RELL1: variants seen among roughly 807,000 people sequenced by gnomAD.
RELL1 encodes the protein RELT like 1.
RELL1 carries 10 observed loss-of-function variants against 23.0 expected under a neutral mutation model. The observed-to-expected ratio is 0.43, with a 90% CI of 0.27 to 0.74. The LOEUF (loss-of-function observed/expected upper bound fraction) is 0.74. RELL1 is among the 30% of genes least tolerant of loss of function. RELL1 has a pLI of 0.19. For missense variants in RELL1, 315 were observed against 364.4 expected, an observed-to-expected ratio of 0.86 and a Z score of 1.10; for synonymous variants, 146 against 146.8, an observed-to-expected ratio of 0.99 and a Z score of 0.04.
intron 6 of RELL1, among the ~76,000 whole-genome samples, chr4:37,625,023 C>T (rs75138951): frequency 5.9e-5 from 9 of 152,156 alleles, no homozygotes; most frequent in Non-Finnish European, 1.2e-4. Flanking sequence ...TGTCCAGCAA[C>T]GATCTCATTT....
intron 1 of RELL1, among the ~76,000 whole-genome samples, chr4:37,652,349 T>A (rs1443025681): frequency 6.6e-6 from 1 of 152,232 alleles, no homozygotes; most frequent in Non-Finnish European, 1.5e-5. Context: ...GAAGAATCAA[T>A]ATAATAAATA....
At chr4:37,640,539 C>T (rs1720491889) in intron 3 of RELL1, among the ~76,000 whole-genome samples, 1 of 152,182 alleles carries the variant, frequency 6.6e-6, no homozygotes, top group African/African-American at 2.4e-5. Flanking sequence ...GGATGTTCCC[C>T]AGATCCGTGC....
chr4:37,636,627 C>T lies in RELL1; in HGVS notation c.444-1504G>A, dbSNP rs940132478. Among the ~76,000 whole-genome samples, 8 of 150,240 alleles carry T rather than the reference C, an allele frequency of 5.3e-5. No homozygotes were observed. The East Asian group carries it at 5.9e-4, about 11-fold the overall frequency. ...AAAAAAAAAAGCAGAAATACATAGT[C>T]GAGATAAGAGCTATTTTCAAAAAGC... On this transcript the variant is annotated intron_variant, in intron 4 of 6. Coordinates refer to ENST00000454158, the MANE Select transcript of RELL1 (RefSeq NM_001085400.2).
rs550157324 is a variant in RELL1, at chr4:37,672,565, G to C, written c.88+13635C>G. ...GCGGCAACAGATCAACTACCATATG[G>C]TTCATGCAAAAGAATTCTCTTTCCC... is the stretch of plus-strand genomic sequence containing the variant. On this transcript the variant is annotated intron_variant, in intron 1 of 6. Transcript: ENST00000454158. Among the ~76,000 whole-genome samples the C allele has an allele frequency of 2.0e-5, 3 of 152,162 alleles. No individual in the cohort carries two copies. The South Asian group carries it at 6.2e-4, about 32-fold the overall frequency.
At chr4:37,669,012 G>GT (rs1396156912) in intron 1 of RELL1, among the ~76,000 whole-genome samples, 2 of 139,732 alleles carry the variant, frequency 1.4e-5, no homozygotes, top group Non-Finnish European at 3.0e-5. Flanking sequence ...AGGTGGGGGG[G>GT]TCAGCCCCCC....
chr4:37,591,901 T>C (rs1369834768), intron 6 of RELL1: 1 of 152,194 alleles, frequency 6.6e-6, no homozygotes, highest in East Asian at 1.9e-4. Context: ...TGGATGTTAC[T>C]TTCAATGTAA....
In RELL1 at chr4:37,647,940, A is replaced by G. The variant is rs576698294; in HGVS notation, c.314-501T>C. Among the ~76,000 whole-genome samples the G allele has an allele frequency of 1.1e-4, 17 of 151,128 alleles. No individual in the cohort carries two copies. In the South Asian group the frequency reaches 3.7e-3, roughly 33 times the overall value. On this transcript the variant is annotated intron_variant, in intron 2 of 6. Transcript: ENST00000454158. ...AATTACCTACATTCAGGGCTTGGTT[A>G]TGTGTCCACAAACTCAGTTTACTTT...
Position 37,649,394 on chromosome 4 carries a change from A to G in RELL1, c.195T>C (p.Pro65=), listed in dbSNP as rs1348351782. Residue 65 remains proline, a synonymous_variant, in exon 2 of 7, where the codon CCT becomes CCC. Coordinates refer to ENST00000454158, the MANE Select transcript of RELL1 (RefSeq NM_001085400.2). ...HPEYIAYALV[P]VFFIMGLFGV... ...CAAAGAGACCCATGATAAAGAACAC[A>G]GGGACAAGCGCGTATGCAATATATT... 1 of 1,614,250 alleles carries G rather than the reference A, an allele frequency of 6.2e-7. No individual in the cohort carries two copies. Among genetic ancestry groups the G allele is most frequent in the Admixed American group, 1.7e-5 (1 of 60,028 alleles).
chr4:37,608,524 G>T (rs1199189504), downstream of RELL1, among the ~76,000 whole-genome samples: 1 of 152,100 alleles, frequency 6.6e-6, no homozygotes, highest in Non-Finnish European at 1.5e-5. Context: ...TACAGAGCAA[G>T]GTCCTAACTC....
At chr4:37,675,017 A>G (rs1031878924) in intron 1 of RELL1, among the ~76,000 whole-genome samples, 1 of 152,200 alleles carries the variant, frequency 6.6e-6, no homozygotes, top group African/African-American at 2.4e-5. Flanking sequence ...TGAAATTGAT[A>G]TGTTGTATCT....
chr4:37,673,501 T>C lies in RELL1; in HGVS notation c.88+12699A>G, dbSNP rs192741199. Reference sequence around the variant, plus strand: ...GCCACCACACTAGGCCAAAACTATATACTTAGCACTTACTTCATGATTCTC... The same window carrying C: ...GCCACCACACTAGGCCAAAACTATACACTTAGCACTTACTTCATGATTCTC... On this transcript the variant is annotated intron_variant, in intron 1 of 6. Transcript: ENST00000454158. Among the ~76,000 whole-genome samples, 9 of 152,278 alleles carry C rather than the reference T, an allele frequency of 5.9e-5. No homozygotes were observed. The East Asian group carries it at 1.5e-3, about 26-fold the overall frequency.
intron 1 of RELL1, among the ~76,000 whole-genome samples, chr4:37,670,056 T>TAA: frequency 2.0e-5 from 2 of 98,694 alleles, no homozygotes; most frequent in African/African-American, 7.1e-5. Flanking sequence ...TAAATAAATA[T>TAA]AAAAAAAAAA....
chr4:37,635,507 G>A (rs1720294366), intron 4 of RELL1, among the ~76,000 whole-genome samples: 1 of 152,132 alleles, frequency 6.6e-6, no homozygotes, highest in African/African-American at 2.4e-5. Flanking sequence ...CGTGCCTGTA[G>A]TCCCAGCTAC....
Position 37,649,429 on chromosome 4 carries a change from C to T in RELL1, c.160G>A (p.Gly54Arg), listed in dbSNP as rs1456091868. The change falls in exon 2 of 7, where the codon GGA becomes AGA. Residue 54 changes from glycine to arginine, a missense_variant. Coordinates refer to ENST00000454158, the MANE Select transcript of RELL1 (RefSeq NM_001085400.2). ...GCGTATGCAATATATTCTGGGTGTC[C>T]ATTCCCAGTATCGTTGCTGGGCGAC... is the stretch of plus-strand genomic sequence containing the variant. ...TPSPSNDTGN[G>R]HPEYIAYALV... The T allele has an allele frequency of 1.2e-6, 2 of 1,614,234 alleles. No individual in the cohort carries two copies. The highest frequency in any genetic ancestry group is 4.5e-5 in the East Asian group (2 of 44,890).
At chr4:37,592,901 G>A (rs1321231249) in intron 6 of RELL1, among the ~76,000 whole-genome samples, 1 of 152,172 alleles carries the variant, frequency 6.6e-6, no homozygotes, top group Non-Finnish European at 1.5e-5. Context: ...CTCTAAAACT[G>A]GGAAGTATGT....
intron 3 of RELL1, among the ~76,000 whole-genome samples, chr4:37,646,185 C>T (rs1308792531): frequency 3.3e-5 from 5 of 152,146 alleles, no homozygotes; most frequent in Admixed American, 2.6e-4. Flanking sequence ...CAAGGAATCC[C>T]ACACACCTCA....
At chr4:37,592,466 C>T (rs1718668237) in intron 6 of RELL1, among the ~76,000 whole-genome samples, 1 of 151,806 alleles carries the variant, frequency 6.6e-6, no homozygotes, top group South Asian at 2.1e-4. Context: ...GATGCCATAA[C>T]TAAATGTCCT....
intron 6 of RELL1, among the ~76,000 whole-genome samples, chr4:37,621,967 C>G (rs944486084): frequency 6.6e-6 from 1 of 152,214 alleles, no homozygotes; most frequent in Non-Finnish European, 1.5e-5. Context: ...GACAGTAAAG[C>G]ATGTTTTTAG....
intron 1 of RELL1, among the ~76,000 whole-genome samples, chr4:37,654,679 AC>A (rs1277935865): frequency 9.2e-5 from 14 of 152,228 alleles, no homozygotes; most frequent in Admixed American, 6.5e-5. Context: ...AAAAATAGCA[AC>A]ACCTGCATAT....
Sources: allele counts gnomAD v4.1 joint callset (sites outside exome capture counted in the v4.1 genomes callset), GRCh38; gene constraint gnomAD v4.1.1; transcripts MANE v1.5; gene names NCBI Gene and HGNC (gene_info 2026-07-23, HGNC 2026-07-21).